The following WDR25 variants were observed in gnomAD, a reference collection of about 807,000 sequenced individuals.
The protein encoded by WDR25 is WD repeat domain 25.
WDR25 carries 35 observed loss-of-function variants against 47.7 expected under a neutral mutation model. The observed-to-expected ratio is 0.73, with a 90% CI of 0.56 to 0.97. The LOEUF is 0.97. Ranked by LOEUF, WDR25 falls within the 50% of genes least tolerant of loss-of-function variation. The probability of loss-of-function intolerance (pLI) is 0.00; values close to 1 mark genes in which losing one functional copy is unlikely to be tolerated. For synonymous variants in WDR25, 248 were observed against 278.9 expected (o/e 0.89, Z 1.10); for missense variants, 634 against 704.7 (o/e 0.90, Z 1.14).
intron 2 of WDR25, chr14:100,406,935 T>G (rs1222443241): frequency 1.3e-5 from 2 of 152,422 alleles, no homozygotes; most frequent in Admixed American, 1.3e-4. Context: ...TTTCATTCCC[T>G]TCTTCCTTCC....
intron 2 of WDR25, among the ~76,000 whole-genome samples, chr14:100,441,177 T>C (rs1898657215): frequency 1.3e-5 from 2 of 152,130 alleles, no homozygotes; most frequent in African/African-American, 2.4e-5. Flanking sequence ...GAGGGACACA[T>C]AGGAGGCACT....
intron 4 of WDR25, among the ~76,000 whole-genome samples, chr14:100,509,884 C>T (rs1257090343): frequency 6.6e-6 from 1 of 151,818 alleles, no homozygotes; most frequent in Non-Finnish European, 1.5e-5. Context: ...TGTGCCTTTA[C>T]CTCTCTGTGG....
rs760936431 is a variant in WDR25, at chr14:100,424,522, G to T, written c.822+42776G>T. Among the ~76,000 whole-genome samples, 5 of 152,206 alleles carry T rather than the reference G, an allele frequency of 3.3e-5. No homozygotes were observed. The highest frequency in any genetic ancestry group is 7.2e-5 in the African/African-American group (3 of 41,460). Reference sequence around the variant, plus strand: ...GCATGAGATTGGGACCTGGGAGCAGGCCCCACACCAGGTGTGACATGCCTG... The same window carrying T: ...GCATGAGATTGGGACCTGGGAGCAGTCCCCACACCAGGTGTGACATGCCTG... On this transcript the variant is annotated intron_variant, in intron 2 of 6. Transcript: ENST00000402312. The surrounding 1 kb of genome is among the most constrained non-coding windows in gnomAD (Gnocchi z 4.2).
At chr14:100,517,728 C>G (rs984398739) in intron 4 of WDR25, among the ~76,000 whole-genome samples, 5 of 152,186 alleles carry the variant, frequency 3.3e-5, no homozygotes, top group African/African-American at 1.2e-4. Flanking sequence ...CCTGTAGTCC[C>G]AGCTGCTCCT....
Position 100,380,980 on chromosome 14 carries a change from A to T in WDR25, c.56A>T (p.Asp19Val), listed in dbSNP as rs1335118927. The change falls in exon 2 of 7, where the codon GAC (aspartate) becomes GTC (valine). Residue 19 changes from aspartate to valine, a missense_variant. Transcript: ENST00000402312. The stretch of plus-strand genomic sequence containing the variant: ...TCATTGGTAGCGTATGATGATTCGG[A>T]CTCGGAGGCTGAGACAGAGCATGCA... ...MASLVAYDDS[D>V]SEAETEHAGS... 2 of 1,614,026 alleles carry T rather than the reference A, an allele frequency of 1.2e-6. No homozygotes were observed. Among genetic ancestry groups the T allele is most frequent in the Non-Finnish European group, 1.7e-6 (2 of 1,180,030 alleles).
chr14:100,451,948 AG>A (rs1157262414), intron 2 of WDR25, among the ~76,000 whole-genome samples: 1 of 152,224 alleles, frequency 6.6e-6, no homozygotes, highest in Non-Finnish European at 1.5e-5. Context: ...GATGACCCAA[AG>A]CTAGGATAGC....
intron 2 of WDR25, among the ~76,000 whole-genome samples, chr14:100,408,549 A>C (rs1169064655): frequency 6.8e-6 from 1 of 146,664 alleles, no homozygotes; most frequent in African/African-American, 2.5e-5. Context: ...TGCTCCCCCC[A>C]GTCTCTATAG....
intron 2 of WDR25, among the ~76,000 whole-genome samples, chr14:100,419,477 A>G (rs1355498317): frequency 6.6e-6 from 1 of 152,168 alleles, no homozygotes; most frequent in Non-Finnish European, 1.5e-5. Context: ...GAGGCTTCCA[A>G]TATAGTCCAG....
chr14:100,504,565 C>T (rs886933929), intron 4 of WDR25: 1 of 152,160 alleles, frequency 6.6e-6, no homozygotes, highest in African/African-American at 2.4e-5. Flanking sequence ...ATCAGCATTC[C>T]TTGTTGCTGA....
At chr14:100,390,585 T>C (rs1417846739) in intron 2 of WDR25, among the ~76,000 whole-genome samples, 1 of 152,332 alleles carries the variant, frequency 6.6e-6, no homozygotes, top group South Asian at 2.1e-4. Context: ...AGGTGTCTTC[T>C]CTGGGTGGGC....
At position 100,502,354 on chromosome 14, in the gene WDR25, A is replaced by AG. The variant is rs1900953901; in HGVS notation, c.1101+18231dup. 6.6e-6 allele frequency among the ~76,000 whole-genome samples: 1 copy of AG among 152,192 alleles called. No individual in the cohort carries two copies. Among genetic ancestry groups the AG allele is most frequent in the Non-Finnish European group, 1.5e-5 (1 of 68,032 alleles). On this transcript the variant is annotated intron_variant, in intron 4 of 6. Transcript: ENST00000402312. This position sits in a 1 kb window ranked among gnomAD's most constrained non-coding sequence, Gnocchi z 4.5. ...TCAGTGCCCTCATTCCCTGGTCCTCAGTTTCCCCATCTGCCAGGAATAGGC... is the reference window on the plus strand; with the variant it reads ...TCAGTGCCCTCATTCCCTGGTCCTCAGGTTTCCCCATCTGCCAGGAATAGGC...
intron 2 of WDR25, among the ~76,000 whole-genome samples, chr14:100,405,178 TGAGATGGAG>T (rs1555387740): frequency 3.3e-5 from 5 of 150,258 alleles, no homozygotes; most frequent in Admixed American, 1.3e-4. Flanking sequence ...CTTTTTTTTT[TGAGATGGAG>T]TTTTGCTCTT....
rs1183440004 is a variant in WDR25 at position 100,523,717 on chromosome 14, G to C, written c.1102-2153G>C. Among the ~76,000 whole-genome samples, 1 of 152,076 alleles carries C rather than the reference G, an allele frequency of 6.6e-6. No homozygotes were observed. The highest frequency in any genetic ancestry group is 2.4e-5 in the African/African-American group (1 of 41,406). On this transcript the variant is annotated intron_variant, in intron 4 of 6. Transcript: ENST00000402312. The surrounding 1 kb of genome is among the most constrained non-coding windows in gnomAD (Gnocchi z 4.7). ...TGGGCCGAGTGGTGGGCAGATTGTAGGGACATAACCCCTGCATGTGTCATG... is the reference window on the plus strand; with the variant it reads ...TGGGCCGAGTGGTGGGCAGATTGTACGGACATAACCCCTGCATGTGTCATG...
At chr14:100,493,019 C>T (rs1354716551) in intron 4 of WDR25, among the ~76,000 whole-genome samples, 4 of 152,222 alleles carry the variant, frequency 2.6e-5, no homozygotes, top group Non-Finnish European at 5.9e-5. Context: ...CTATGTTGCG[C>T]AGGCTGGTCT....
intron 2 of WDR25, among the ~76,000 whole-genome samples, chr14:100,398,206 C>G (rs1897301961): frequency 6.6e-6 from 1 of 152,218 alleles, no homozygotes; most frequent in Non-Finnish European, 1.5e-5. Context: ...GAAGTGCATT[C>G]CATTTCCGCC....
chr14:100,502,888 G>T lies in WDR25; in HGVS notation c.1101+18764G>T, dbSNP rs573116137. Among the ~76,000 whole-genome samples the T allele has an allele frequency of 6.6e-6, 1 of 152,296 alleles. No individual in the cohort carries two copies. Among genetic ancestry groups the T allele is most frequent in the South Asian group, 2.1e-4 (1 of 4,822 alleles). ...TGTATAAAGGCACGTAGGCACTAAA[G>T]GGCACAACATATGAGGGAATGGTGA... On this transcript the variant is annotated intron_variant, in intron 4 of 6. Coordinates refer to ENST00000402312, the MANE Select transcript of WDR25 (RefSeq NM_001161476.3). This position sits in a 1 kb window ranked among gnomAD's most constrained non-coding sequence, Gnocchi z 4.5.
At position 100,410,885 on chromosome 14, in the gene WDR25, C is replaced by T. The variant is rs139427749; in HGVS notation, c.822+29139C>T. On this transcript the variant is annotated intron_variant, in intron 2 of 6. Transcript: ENST00000402312. ...GCAGTCTCTACCTCCTGGGCTCAAG[C>T]GATCCTCCTACCTTAGCCTCCTGAG... Among the ~76,000 whole-genome samples the T allele has an allele frequency of 2.4e-3, 361 of 151,394 alleles. 3 individuals are homozygous for T. Among genetic ancestry groups the T allele is most frequent in the African/African-American group, 8.4e-3 (344 of 41,162 alleles).
chr14:100,380,385 A>T (rs1478758846), intron 1 of WDR25, among the ~76,000 whole-genome samples: 8 of 152,160 alleles, frequency 5.3e-5, no homozygotes, highest in African/African-American at 1.9e-4. Context: ...CTTATTTTTT[A>T]CAGATTTACC....
intron 2 of WDR25, among the ~76,000 whole-genome samples, chr14:100,395,105 T>TG (rs1475611686): frequency 6.6e-6 from 1 of 152,210 alleles, no homozygotes; most frequent in African/African-American, 2.4e-5. Context: ...GCTTTAGCCC[T>TG]GGATGGTCAG....
Sources: allele counts gnomAD v4.1 joint callset (sites outside exome capture counted in the v4.1 genomes callset), GRCh38; gene constraint gnomAD v4.1.1; non-coding constraint Gnocchi (gnomAD v3.1); transcripts MANE v1.5; gene names NCBI Gene and HGNC (gene_info 2026-07-23, HGNC 2026-07-21).